Variants in ADAMTS6 observed in about 807,000 individuals in gnomAD.
ADAMTS6 encodes ADAM metallopeptidase with thrombospondin type 1 motif 6.
In ADAMTS6, 23 loss-of-function variants were observed where a neutral mutation model predicts 144.3. The observed-to-expected ratio is 0.16, with a 90% CI of 0.11 to 0.23. The LOEUF (loss-of-function observed/expected upper bound fraction) is 0.23, where lower values mean the gene tolerates loss of function less well. Among genes scored for constraint, ADAMTS6 ranks in the 10% least tolerant of loss-of-function variants. The pLI is 1.00. For synonymous variants in ADAMTS6, 444 were observed against 457.5 expected (o/e 0.97, Z 0.38); for missense variants, 999 against 1,379.6 (o/e 0.72, Z 4.37).
intron 24 of ADAMTS6, among the ~76,000 whole-genome samples, chr5:65,159,671 T>G (rs1224865543): frequency 6.6e-6 from 1 of 152,256 alleles, no homozygotes; most frequent in Non-Finnish European, 1.5e-5. Flanking sequence ...CTGCTCATAT[T>G]GTCAAAATTA....
intron 14 of ADAMTS6, among the ~76,000 whole-genome samples, chr5:65,254,175 A>C (rs571954811): frequency 4.1e-4 from 63 of 151,910 alleles, no homozygotes; most frequent in African/African-American, 1.5e-3. Context: ...CAATCACCTC[A>C]CCTTTTATGA....
intron 7 of ADAMTS6, among the ~76,000 whole-genome samples, chr5:65,374,007 C>G (rs1314774131): frequency 6.6e-6 from 1 of 152,170 alleles, no homozygotes. Flanking sequence ...AAGAGAAAAA[C>G]CACATGATTA....
At chr5:65,319,415 C>T (rs1010375981) in intron 9 of ADAMTS6, among the ~76,000 whole-genome samples, 5 of 150,248 alleles carry the variant, frequency 3.3e-5, no homozygotes, top group South Asian at 2.1e-4. Flanking sequence ...TGTGGTGGCT[C>T]GGGCCTGTAA....
chr5:65,342,083 C>A (rs565717698), intron 7 of ADAMTS6, among the ~76,000 whole-genome samples: 3 of 152,166 alleles, frequency 2.0e-5, no homozygotes, highest in East Asian at 3.9e-4. Context: ...GAATGAAGGA[C>A]AAAACCCACA....
In ADAMTS6 at chr5:65,183,694, C is replaced by T. The variant is rs556857688; in HGVS notation, c.2910+4322G>A. ...ATTTCTAGAAAAGCAAGATGAGCCA[C>T]GGTTACGTATGTATAGACATGTATG... On this transcript the variant is annotated intron_variant, in intron 22 of 24. Transcript: ENST00000381055. 2.7e-4 allele frequency among the ~76,000 whole-genome samples: 41 copies of T among 152,020 alleles called. 1 individual carries two copies. In the South Asian group the frequency reaches 3.1e-3, roughly 12 times the overall value.
intron 11 of ADAMTS6, among the ~76,000 whole-genome samples, chr5:65,274,132 TC>T: frequency 6.6e-6 from 1 of 152,280 alleles, no homozygotes; most frequent in Non-Finnish European, 1.5e-5. Flanking sequence ...TTTTCCATTA[TC>T]CTACCTCAGC....
intron 7 of ADAMTS6, among the ~76,000 whole-genome samples, chr5:65,352,517 T>TA (rs889633873): frequency 1.3e-5 from 2 of 151,462 alleles, no homozygotes; most frequent in Admixed American, 6.6e-5. Context: ...AATACTTCGG[T>TA]AAAAAAAAAT....
intron 9 of ADAMTS6, among the ~76,000 whole-genome samples, chr5:65,316,200 C>T (rs7701580): frequency 0.12 from 17,772 of 152,200 alleles, 1,102 homozygotes; most frequent in African/African-American, 0.16. Flanking sequence ...GCATGAGCCA[C>T]CACGCCCAGC....
At chr5:65,442,653 G>T (rs910006956) in intron 7 of ADAMTS6, among the ~76,000 whole-genome samples, 5 of 151,984 alleles carry the variant, frequency 3.3e-5, no homozygotes, top group Non-Finnish European at 5.9e-5. Context: ...ATACAATTTT[G>T]GAAAATGACA....
intron 24 of ADAMTS6, among the ~76,000 whole-genome samples, chr5:65,153,146 CT>C (rs1267012817): frequency 6.6e-6 from 1 of 152,090 alleles, no homozygotes; most frequent in Non-Finnish European, 1.5e-5. Context: ...GTTCCCAGTT[CT>C]TATTATTGAA....
chr5:65,455,824 A>C (rs1052959049), intron 4 of ADAMTS6, among the ~76,000 whole-genome samples: 2 of 151,970 alleles, frequency 1.3e-5, no homozygotes, highest in Admixed American at 1.3e-4. Context: ...ATAATAAAAA[A>C]AACAAAAATG....
chr5:65,265,765 A>G (rs1235908821), intron 12 of ADAMTS6, among the ~76,000 whole-genome samples: 10 of 152,018 alleles, frequency 6.6e-5, no homozygotes, highest in African/African-American at 2.4e-4. Context: ...CAGAATTCAT[A>G]AGGCCTAAGC....
intron 21 of ADAMTS6, among the ~76,000 whole-genome samples, chr5:65,191,668 A>T (rs956448695): frequency 1.3e-5 from 2 of 152,140 alleles, no homozygotes; most frequent in African/African-American, 4.8e-5. Context: ...AACTTAAAAA[A>T]ATTTCAAAAC....
intron 7 of ADAMTS6, among the ~76,000 whole-genome samples, chr5:65,410,756 T>C (rs1232163685): frequency 2.0e-5 from 3 of 152,180 alleles, no homozygotes; most frequent in Non-Finnish European, 4.4e-5. Flanking sequence ...ACTCTACATA[T>C]AAGTGAGATC....
intron 11 of ADAMTS6, among the ~76,000 whole-genome samples, chr5:65,289,177 C>T (rs1375301842): frequency 6.6e-6 from 1 of 150,634 alleles, no homozygotes; most frequent in Non-Finnish European, 1.5e-5. Context: ...TAATGTCTTT[C>T]TCAAAGTTTT....
intron 7 of ADAMTS6, among the ~76,000 whole-genome samples, chr5:65,389,671 T>C (rs1752753588): frequency 2.6e-5 from 4 of 151,804 alleles, no homozygotes; most frequent in Admixed American, 6.6e-5. Context: ...CATCCTTTTT[T>C]CCCCCCTATA....
intron 7 of ADAMTS6, among the ~76,000 whole-genome samples, chr5:65,434,845 AAAATGATT>A (rs941114120): frequency 7.6e-4 from 109 of 144,172 alleles, no homozygotes; most frequent in African/African-American, 3.0e-3. Context: ...TAGCAGACAT[AAAATGATT>A]ATCCCTTATG....
intron 11 of ADAMTS6, among the ~76,000 whole-genome samples, chr5:65,288,029 TG>T (rs1248271448): frequency 6.6e-6 from 1 of 152,172 alleles, no homozygotes; most frequent in Non-Finnish European, 1.5e-5. Context: ...TAAGAACACT[TG>T]AAAAATAAGA....
intron 7 of ADAMTS6, among the ~76,000 whole-genome samples, chr5:65,434,694 TA>T (rs1757255256): frequency 6.6e-6 from 1 of 152,040 alleles, no homozygotes; most frequent in Non-Finnish European, 1.5e-5. Context: ...CCAATAATAA[TA>T]AAAAAACTAA....
Sources: allele counts gnomAD v4.1 joint callset (sites outside exome capture counted in the v4.1 genomes callset), GRCh38; gene constraint gnomAD v4.1.1; transcripts MANE v1.5; gene names NCBI Gene and HGNC (gene_info 2026-07-23, HGNC 2026-07-21).